Variants in AGBL1 observed in about 807,000 individuals in gnomAD.
The protein encoded by AGBL1 is cytosolic carboxypeptidase 4.
A neutral mutation model predicts 118.9 loss-of-function variants in AGBL1; 130 were observed. The observed-to-expected ratio is 1.09, with a 90% CI of 0.95 to 1.26. AGBL1 has a LOEUF of 1.26. Among genes scored for constraint, AGBL1 ranks in the 50% most tolerant of loss-of-function variants. The pLI is 0.00. For synonymous variants in AGBL1, 555 were observed against 478.9 expected (o/e 1.16, Z -2.08); for missense variants, 1,584 against 1,298.1 (o/e 1.22, Z -3.38).
At chr15:86,564,161 G>C (rs1323798888) in intron 21 of AGBL1, among the ~76,000 whole-genome samples, 3 of 152,166 alleles carry the variant, frequency 2.0e-5, no homozygotes, top group Non-Finnish European at 4.4e-5. Flanking sequence ...GTGTGAATTT[G>C]ATCCTGTCAT....
intron 17 of AGBL1, among the ~76,000 whole-genome samples, chr15:86,381,927 A>G (rs866258294): frequency 1.7e-4 from 26 of 152,336 alleles, no homozygotes; most frequent in Admixed American, 8.5e-4. Context: ...CTTGAGGCCA[A>G]TGGGGAGCCG....
intron 17 of AGBL1, among the ~76,000 whole-genome samples, chr15:86,333,343 A>G (rs2080306511): frequency 6.6e-6 from 1 of 152,194 alleles, no homozygotes; most frequent in Non-Finnish European, 1.5e-5. Flanking sequence ...CAGAACTAAC[A>G]AAGGTGACAT....
At position 86,124,362 on chromosome 15, in the gene AGBL1, A is replaced by C. The variant is rs547862821; in HGVS notation, c.52-17642A>C. 6.8e-4 allele frequency among the ~76,000 whole-genome samples: 103 copies of C among 151,488 alleles called. No homozygotes were observed. The East Asian group carries it at 9.9e-3, about 15-fold the overall frequency. On this transcript the variant is annotated intron_variant, in intron 1 of 22. Coordinates refer to ENST00000614907, the MANE Select transcript of AGBL1 (RefSeq NM_001386094.1). ...AAAAAAAAAAACAAAGAAAACCCCC[A>C]AAAATCCCAAAAAACAAAATACCAA...
At chr15:86,856,528 T>G (rs777293033) in intron 22 of AGBL1, among the ~76,000 whole-genome samples, 35 of 152,238 alleles carry the variant, frequency 2.3e-4, no homozygotes, top group Non-Finnish European at 4.3e-4. Context: ...ACACAGTTAT[T>G]CCCTACACTT....
Position 86,425,189 on chromosome 15 carries a change from A to C in AGBL1, c.2555+27643A>C, listed in dbSNP as rs184098053. On this transcript the variant is annotated intron_variant, in intron 18 of 22. Transcript: ENST00000614907. ...GATAAAGAAAATGTGGCAGATATACACCATGGAATACTATGCAGCCATAAA... is the reference window on the plus strand; with the variant it reads ...GATAAAGAAAATGTGGCAGATATACCCCATGGAATACTATGCAGCCATAAA... 6.5e-3 allele frequency among the ~76,000 whole-genome samples: 995 copies of C among 152,272 alleles called. 12 individuals are homozygous for C. The highest frequency in any genetic ancestry group is 0.022 in the African/African-American group (932 of 41,542).
At chr15:86,476,968 C>T (rs925739103) in intron 18 of AGBL1, among the ~76,000 whole-genome samples, 6 of 152,198 alleles carry the variant, frequency 3.9e-5, no homozygotes, top group South Asian at 4.1e-4. Context: ...GAACAACCTG[C>T]TCCTGAATGA....
At chr15:86,991,691 A>C (rs1369741952) in intron 24 of AGBL1, among the ~76,000 whole-genome samples, 4 of 152,148 alleles carry the variant, frequency 2.6e-5, no homozygotes, top group Non-Finnish European at 5.9e-5. Flanking sequence ...AGAGGGACAG[A>C]GATGCCTGCC....
chr15:86,173,522 C>G (rs1313971593), intron 5 of AGBL1, among the ~76,000 whole-genome samples: 1 of 152,010 alleles, frequency 6.6e-6, no homozygotes, highest in East Asian at 1.9e-4. Context: ...TTAACCAGAC[C>G]AACCTTCTGA....
At chr15:86,979,501 G>A (rs904323941) in intron 23 of AGBL1, among the ~76,000 whole-genome samples, 2 of 140,140 alleles carry the variant, frequency 1.4e-5, no homozygotes, top group Non-Finnish European at 3.3e-5. Flanking sequence ...TTTTTTTGGC[G>A]GGGGGGAGAT....
At chr15:86,489,355 T>G (rs895122578) in intron 18 of AGBL1, among the ~76,000 whole-genome samples, 2 of 152,164 alleles carry the variant, frequency 1.3e-5, no homozygotes, top group African/African-American at 2.4e-5. Context: ...CTTGCGCTAA[T>G]GATAGTGCCC....
intron 22 of AGBL1, among the ~76,000 whole-genome samples, chr15:86,783,413 T>G (rs535892120): frequency 3.3e-5 from 5 of 152,198 alleles, no homozygotes; most frequent in Non-Finnish European, 7.3e-5. Context: ...ATTTTTACCC[T>G]TTCTTTTTCT....
At chr15:86,232,302 C>T (rs527934300) in intron 6 of AGBL1, among the ~76,000 whole-genome samples, 1 of 152,332 alleles carries the variant, frequency 6.6e-6, no homozygotes, top group Non-Finnish European at 1.5e-5. Context: ...TTGGGCTGAG[C>T]CGCAGACAGT....
chr15:86,891,602 G>C (rs896372547), intron 22 of AGBL1, among the ~76,000 whole-genome samples: 8 of 151,698 alleles, frequency 5.3e-5, no homozygotes, highest in African/African-American at 1.9e-4. Context: ...ACAAGCAAGG[G>C]AGTGGGTATC....
intron 22 of AGBL1, among the ~76,000 whole-genome samples, chr15:86,806,204 A>C (rs1408935933): frequency 1.3e-5 from 2 of 152,112 alleles, no homozygotes. Context: ...TCTATGATTC[A>C]GATGATGAGG....
intron 17 of AGBL1, among the ~76,000 whole-genome samples, chr15:86,358,678 C>T (rs182727577): frequency 2.6e-5 from 4 of 152,054 alleles, no homozygotes; most frequent in East Asian, 3.9e-4. Flanking sequence ...TCTCCACATC[C>T]TTGCTAATAT....
In AGBL1 at chr15:86,909,066, G is replaced by A. The variant is rs951730633; in HGVS notation, c.*1772G>A. On this transcript the variant is annotated 3_prime_UTR_variant, in exon 23 of 23. Transcript: ENST00000614907. ...AGTCACTGCATCTGCATCCCAGGCA[G>A]TAGCAAGAAGAACACAAAAAGAAAT... is the stretch of plus-strand genomic sequence containing the variant. 1.3e-5 allele frequency: 2 copies of A among 152,174 alleles called. No homozygotes were observed. The highest frequency in any genetic ancestry group is 4.8e-5 in the African/African-American group (2 of 41,436). 9.4% of individuals were successfully genotyped at this position (152,174 alleles called of 1,614,324 possible).
intron 21 of AGBL1, among the ~76,000 whole-genome samples, chr15:86,595,719 T>G (rs58797922): frequency 0.32 from 47,989 of 151,970 alleles, 8,016 homozygotes; most frequent in East Asian, 0.6. Context: ...TAGAAAAAGT[T>G]TAATTAATGC....
chr15:86,612,804 A>C (rs1312892271), intron 21 of AGBL1, among the ~76,000 whole-genome samples: 1 of 152,152 alleles, frequency 6.6e-6, no homozygotes, highest in African/African-American at 2.4e-5. Flanking sequence ...TTCTCTCTGA[A>C]GCCGGCTGGC....
At chr15:86,523,877 T>C (rs895247291) in intron 19 of AGBL1, among the ~76,000 whole-genome samples, 2 of 152,224 alleles carry the variant, frequency 1.3e-5, no homozygotes, top group African/African-American at 4.8e-5. Context: ...AAAATGCTCA[T>C]TTATTAACTA....
Sources: gnomAD v4.1 joint callset for allele counts (sites outside exome capture counted in the v4.1 genomes callset) on GRCh38, gnomAD v4.1.1 for gene constraint, MANE v1.5 for transcripts, NCBI Gene and HGNC (gene_info 2026-07-23, HGNC 2026-07-21) for gene names.